The following ENTPD6 variants were observed in gnomAD, a reference collection of about 807,000 sequenced individuals.
ENTPD6 encodes ectonucleoside triphosphate diphosphohydrolase 6.
A neutral mutation model predicts 61.5 loss-of-function variants in ENTPD6; 46 were observed. The ratio of observed to expected loss-of-function variants is 0.75; its 90% CI spans 0.59 to 0.96. The LOEUF (loss-of-function observed/expected upper bound fraction) is 0.96, where lower values mean the gene tolerates loss of function less well. Among genes scored for constraint, ENTPD6 ranks in the 40% least tolerant of loss-of-function variants. ENTPD6 has a pLI of 0.00. For synonymous variants in ENTPD6, 252 were observed against 255.5 expected (o/e 0.99, Z 0.13); for missense variants, 612 against 629.0 (o/e 0.97, Z 0.29).
At position 25,207,378 on chromosome 20, in the gene ENTPD6, G is replaced by A. The variant is rs769926116; in HGVS notation, c.357G>A (p.Gln119=). The change falls in exon 3 of 15, where the codon CAG becomes CAA. Residue 119 remains glutamine, a synonymous_variant. Coordinates refer to ENST00000376652, the MANE Select transcript of ENTPD6 (RefSeq NM_001247.5). ...GSTGTRVHVF[Q]FTRPPRETPT... ...CTGGCACCCGAGTACACGTCTTCCA[G>A]TTCACCCGGCCCCCCAGAGGTACCC... The A allele has an allele frequency of 1.3e-6, 2 of 1,535,846 alleles. No individual in the cohort carries two copies. Among genetic ancestry groups the A allele is most frequent in the South Asian group, 2.5e-5 (2 of 79,430 alleles).
chr20:25,224,227 C>G (rs2092729260), intron 13 of ENTPD6, 70 bp downstream of exon 13: 2 of 1,411,802 alleles, frequency 1.4e-6, no homozygotes, highest in Admixed American at 1.8e-5. Context: ...CAGGCGCTGG[C>G]CCTGACTCTC....
chr20:25,203,673 G>A (rs1278119462), intron 1 of ENTPD6, among the ~76,000 whole-genome samples: 1 of 151,982 alleles, frequency 6.6e-6, no homozygotes, highest in Non-Finnish European at 1.5e-5. Context: ...TTTTCCTTCA[G>A]CTCTTTTAGC....
intron 1 of ENTPD6, chr20:25,196,252 CAGGT>C (rs1320668564): frequency 2.8e-6 from 3 of 1,082,130 alleles, no homozygotes; most frequent in Non-Finnish European, 3.4e-6. Flanking sequence ...TTCTGGGAAA[CAGGT>C]AGGATCAGGC....
At chr20:25,209,221 T>C (rs1252021882) in intron 3 of ENTPD6, among the ~76,000 whole-genome samples, 1 of 151,984 alleles carries the variant, frequency 6.6e-6, no homozygotes, top group African/African-American at 2.4e-5. Context: ...GCCATTCTCC[T>C]GCCTCAGCCT....
In ENTPD6 at chr20:25,207,280, G is replaced by A. The variant is rs1244777390; in HGVS notation, c.259G>A (p.Ala87Thr). 1.2e-6 allele frequency: 2 copies of A among 1,612,712 alleles called. No homozygotes were observed. Among genetic ancestry groups the A allele is most frequent in the Non-Finnish European group, 1.7e-6 (2 of 1,179,094 alleles). Residue 87 changes from alanine (A) to threonine (T), a missense_variant, in exon 3 of 15, where the codon GCC becomes ACC. Physicochemically the swap from Ala to Thr is moderately conservative, Grantham distance 58. Coordinates refer to ENST00000376652, the MANE Select transcript of ENTPD6 (RefSeq NM_001247.5). ...CCCGGGGGCCCGGTGGGGTCAGCAG[G>A]CCCACAGCCCCCTGGGGACAGCTGC... ...AAPGARWGQQ[A>T]HSPLGTAADG...
chr20:25,221,243 A>C lies in ENTPD6; in HGVS notation c.955A>C (p.Lys319Gln), dbSNP rs767121728. 6.2e-7 allele frequency: 1 copy of C among 1,613,380 alleles called. No homozygotes were observed. Among genetic ancestry groups the C allele is most frequent in the African/African-American group, 1.3e-5 (1 of 75,032 alleles). The change falls in exon 11 of 15, where the codon AAG becomes CAG. Residue 319 changes from lysine (K) to glutamine (Q), a missense_variant. By Grantham distance (53) the Lys-to-Gln change is moderately conservative (BLOSUM62 1). Transcript: ENST00000376652. ...GVEGQPAKDG[K>Q]ELVSPCLSPS... ...AATCTCTGTTTCAGCTAAGGATGGA[A>C]AGGAGTTGGTCAGCCCTTGCTTGTC...
intron 3 of ENTPD6, among the ~76,000 whole-genome samples, chr20:25,208,947 C>T (rs940145717): frequency 1.6e-4 from 24 of 152,010 alleles, no homozygotes; most frequent in African/African-American, 5.5e-4. Context: ...GACGGAGTCT[C>T]GCTCTGCTGC....
intron 13 of ENTPD6, chr20:25,224,935 G>A: frequency 1.9e-6 from 1 of 527,336 alleles, no homozygotes; most frequent in South Asian, 2.7e-5. Flanking sequence ...GGTCTTAGAT[G>A]TAGAAATGTG....
chr20:25,209,749 G>A (rs774422307), intron 3 of ENTPD6, 100 bp from the exon 4 acceptor site: 28 of 1,014,406 alleles, frequency 2.8e-5, no homozygotes, highest in Non-Finnish European at 4.2e-5. Flanking sequence ...GGATTGGTCT[G>A]TGTTAGTGTC....
At chr20:25,211,590 A>G (rs541281648) in intron 4 of ENTPD6, among the ~76,000 whole-genome samples, 79 of 152,366 alleles carry the variant, frequency 5.2e-4, no homozygotes, top group African/African-American at 1.7e-3. Context: ...GCTGCTGAGC[A>G]GGATAATTAG....
chr20:25,210,623 C>A (rs1054887983), intron 4 of ENTPD6, among the ~76,000 whole-genome samples: 5 of 151,812 alleles, frequency 3.3e-5, no homozygotes, highest in African/African-American at 4.8e-5. Flanking sequence ...CAGAGTGAGA[C>A]CTTATATTTA....
chr20:25,197,931 TC>T (rs1180751623), intron 1 of ENTPD6, among the ~76,000 whole-genome samples: 2 of 152,172 alleles, frequency 1.3e-5, no homozygotes, highest in African/African-American at 2.4e-5. Flanking sequence ...TCTTGTGTGC[TC>T]CACCACACAC....
At chr20:25,215,793 C>G in intron 7 of ENTPD6, 82 bp downstream of exon 7, 1 of 1,348,776 alleles carries the variant, frequency 7.4e-7, no homozygotes, top group Non-Finnish European at 1.1e-6. Context: ...GAGCAGGAGC[C>G]TCATTTCTGC....
intron 4 of ENTPD6, among the ~76,000 whole-genome samples, chr20:25,211,990 G>A (rs1434175038): frequency 3.3e-5 from 5 of 152,146 alleles, no homozygotes; most frequent in South Asian, 2.1e-4. Flanking sequence ...TAAATGTTTT[G>A]TAGAGATGGA....
intron 1 of ENTPD6, among the ~76,000 whole-genome samples, chr20:25,196,922 G>A (rs966479261): frequency 1.4e-4 from 21 of 152,242 alleles, no homozygotes; most frequent in Non-Finnish European, 2.1e-4. Flanking sequence ...CAGGGAGGTG[G>A]GCAGCCCTTT....
intron 9 of ENTPD6, among the ~76,000 whole-genome samples, chr20:25,218,296 C>T (rs112465892): frequency 2.0e-5 from 3 of 152,340 alleles, no homozygotes; most frequent in Admixed American, 6.5e-5. Context: ...AGACTGGTGT[C>T]GAGTCGGTCC....
rs112287117 is a variant in ENTPD6, at chr20:25,225,633, G to C, written c.*36G>C. 1.9e-6 allele frequency: 3 copies of C among 1,559,982 alleles called. No homozygotes were observed. The African/African-American group carries it at 4.1e-5, about 21-fold the overall frequency. On this transcript the variant is annotated 3_prime_UTR_variant, in exon 15 of 15. Transcript: ENST00000376652. Reference sequence around the variant, plus strand: ...ATCCCTGTCCCCGTCAGCAGTGTCTGTGTGTCTGCATAAACCCTCCTGTCC... The same window carrying C: ...ATCCCTGTCCCCGTCAGCAGTGTCTCTGTGTCTGCATAAACCCTCCTGTCC...
chr20:25,214,232 A>G (rs1274696149), intron 5 of ENTPD6, among the ~76,000 whole-genome samples: 1 of 152,182 alleles, frequency 6.6e-6, no homozygotes, highest in Non-Finnish European at 1.5e-5. Context: ...GGAGGAGGGC[A>G]CAGGGCACGC....
chr20:25,222,616 T>G (rs962964506), intron 11 of ENTPD6: 4 of 515,878 alleles, frequency 7.8e-6, no homozygotes, highest in African/African-American at 7.7e-5. Context: ...GCCCACGGTC[T>G]TCACTCCCTG....
Sources: gnomAD v4.1 joint callset for allele counts (sites outside exome capture counted in the v4.1 genomes callset) on GRCh38, gnomAD v4.1.1 for gene constraint, MANE v1.5 for transcripts, NCBI Gene and HGNC (gene_info 2026-07-23, HGNC 2026-07-21) for gene names.